PLCL2: variants seen among roughly 807,000 people sequenced by gnomAD.
The protein encoded by PLCL2 is phospholipase C like 2.
A neutral mutation model predicts 79.6 loss-of-function variants in PLCL2; 4 were observed. The observed-to-expected ratio is 0.05, with a 90% CI of 0.02 to 0.11. PLCL2 has a LOEUF of 0.11. PLCL2 is among the 10% of genes least tolerant of loss of function. PLCL2 has a pLI of 1.00. For missense variants in PLCL2, 895 were observed against 1,291.0 expected (o/e 0.69, Z 4.70); for synonymous variants, 484 against 457.7 (o/e 1.06, Z -0.73).
chr3:16,896,600 C>G (rs561065565), intron 1 of PLCL2, among the ~76,000 whole-genome samples: 15 of 152,308 alleles, frequency 9.8e-5, no homozygotes, highest in Middle Eastern at 3.4e-3. Context: ...CTTCACATAA[C>G]AGTTTTCTAG....
chr3:16,920,840 G>A (rs141928885), intron 1 of PLCL2, among the ~76,000 whole-genome samples: 108 of 152,184 alleles, frequency 7.1e-4, no homozygotes, highest in African/African-American at 2.1e-3. Context: ...CTAATTTCTC[G>A]CACCAAATCA....
At chr3:17,043,033 C>A (rs2064741686) in intron 4 of PLCL2, 84 bp downstream of exon 4, 5 of 853,998 alleles carry the variant, frequency 5.9e-6, no homozygotes, top group Non-Finnish European at 7.9e-6. Flanking sequence ...TTTTTGGATG[C>A]TATATCAAGA....
At chr3:16,913,930 C>T (rs1230461489) in intron 1 of PLCL2, among the ~76,000 whole-genome samples, 1 of 152,186 alleles carries the variant, frequency 6.6e-6, no homozygotes, top group Non-Finnish European at 1.5e-5. Context: ...TAATGTAACA[C>T]CCACTATAAT....
intron 3 of PLCL2, among the ~76,000 whole-genome samples, chr3:17,037,656 G>GA (rs142325038): frequency 7.2e-5 from 11 of 151,940 alleles, no homozygotes; most frequent in African/African-American, 1.5e-4. Context: ...AGATAAAGGG[G>GA]AAAAAAATCT....
intron 5 of PLCL2, among the ~76,000 whole-genome samples, chr3:17,074,196 T>C (rs1337338103): frequency 1.3e-5 from 2 of 152,228 alleles, no homozygotes; most frequent in Non-Finnish European, 2.9e-5. Context: ...GGCTGCAGAA[T>C]GGATATTGTA....
chr3:16,956,014 CT>C (rs1297920809), intron 1 of PLCL2, among the ~76,000 whole-genome samples: 1 of 152,174 alleles, frequency 6.6e-6, no homozygotes, highest in Non-Finnish European at 1.5e-5. Flanking sequence ...ATTGAATACC[CT>C]TGATTTCCTT....
chr3:17,089,512 G>A (rs894610399), intron 5 of PLCL2, among the ~76,000 whole-genome samples: 2 of 152,064 alleles, frequency 1.3e-5, no homozygotes, highest in African/African-American at 2.4e-5. Context: ...TAAATAGAAA[G>A]GGCCAGAAAG....
intron 5 of PLCL2, among the ~76,000 whole-genome samples, chr3:17,075,499 C>T (rs1371208892): frequency 6.7e-6 from 1 of 148,678 alleles, no homozygotes; most frequent in African/African-American, 2.5e-5. Context: ...GGAAAAATGA[C>T]ACTGTAGACT....
At chr3:17,064,127 C>T (rs1186123871) in intron 4 of PLCL2, among the ~76,000 whole-genome samples, 1 of 152,136 alleles carries the variant, frequency 6.6e-6, no homozygotes, top group African/African-American at 2.4e-5. Flanking sequence ...TAACTTCTCA[C>T]CCAGAAAAGT....
At chr3:16,889,397 A>G (rs985309187) in intron 1 of PLCL2, among the ~76,000 whole-genome samples, 1 of 152,196 alleles carries the variant, frequency 6.6e-6, no homozygotes, top group African/African-American at 2.4e-5. Flanking sequence ...TGTAGGAGAT[A>G]TTGGAAGAAG....
At chr3:16,885,663 C>A (rs6795134) in intron 1 of PLCL2, among the ~76,000 whole-genome samples, 104,586 of 152,144 alleles carry the variant, frequency 0.69, 36,103 homozygotes, top group East Asian at 0.86. Flanking sequence ...AGGGCATACT[C>A]TTATGTGTAG....
In PLCL2 at chr3:17,066,334, G is replaced by C. The variant is rs2065011107; in HGVS notation, c.3095-1622G>C. 2.0e-5 allele frequency among the ~76,000 whole-genome samples: 3 copies of C among 152,190 alleles called. No individual in the cohort carries two copies. The South Asian group carries it at 6.2e-4, about 32-fold the overall frequency. On this transcript the variant is annotated intron_variant, in intron 4 of 5. Transcript: ENST00000615277. ...TAGCATAACAGGAAGTAGGACCATG[G>C]CTCCTGGTTAGGTAGGAAAAAGAAA...
At chr3:17,052,627 G>C (rs1319525758) in intron 4 of PLCL2, among the ~76,000 whole-genome samples, 1 of 152,088 alleles carries the variant, frequency 6.6e-6, no homozygotes, top group East Asian at 1.9e-4. Flanking sequence ...CACTGAGTGT[G>C]CCTGCCTCCC....
intron 1 of PLCL2, among the ~76,000 whole-genome samples, chr3:16,911,242 G>A (rs1281078231): frequency 1.5e-5 from 2 of 129,184 alleles, no homozygotes; most frequent in Non-Finnish European, 3.1e-5. Flanking sequence ...CACAGAGCAA[G>A]ACTCTGTCTC....
chr3:16,912,347 G>C (rs981179522), intron 1 of PLCL2, among the ~76,000 whole-genome samples: 3 of 152,124 alleles, frequency 2.0e-5, no homozygotes, highest in Non-Finnish European at 4.4e-5. Context: ...AGGTAGAATG[G>C]TGAATTTTGG....
At chr3:17,083,316 G>A (rs1575622740) in intron 5 of PLCL2, among the ~76,000 whole-genome samples, 1 of 152,200 alleles carries the variant, frequency 6.6e-6, no homozygotes, top group Admixed American at 6.5e-5. Context: ...TGGGGCAAGG[G>A]CATTCCCTGC....
chr3:16,908,975 A>G (rs1044336036), intron 1 of PLCL2, among the ~76,000 whole-genome samples: 1 of 152,200 alleles, frequency 6.6e-6, no homozygotes, highest in Non-Finnish European at 1.5e-5. Flanking sequence ...GGAACAAAGT[A>G]TGCTTCAGCC....
intron 1 of PLCL2, among the ~76,000 whole-genome samples, chr3:16,980,275 AC>A (rs564803425): frequency 4.0e-4 from 48 of 120,176 alleles, no homozygotes; most frequent in South Asian, 2.0e-3. Flanking sequence ...CGGGGGGCTG[AC>A]CCCCCCCACC....
chr3:17,036,135 C>T (rs1018016121), intron 3 of PLCL2, among the ~76,000 whole-genome samples: 1 of 152,092 alleles, frequency 6.6e-6, no homozygotes, highest in Non-Finnish European at 1.5e-5. Context: ...TATGGCAGAC[C>T]TCGGCCCCTG....
Sources: gnomAD v4.1 joint callset for allele counts (sites outside exome capture counted in the v4.1 genomes callset) on GRCh38, gnomAD v4.1.1 for gene constraint, MANE v1.5 for transcripts, NCBI Gene and HGNC (gene_info 2026-07-23, HGNC 2026-07-21) for gene names.